The following CCDC15 variants were observed in gnomAD, a reference collection of about 807,000 sequenced individuals.
CCDC15 encodes coiled-coil domain containing 15.
In CCDC15, 105 loss-of-function variants were observed where a neutral mutation model predicts 114.5. The ratio of observed to expected loss-of-function variants is 0.92; its 90% CI spans 0.78 to 1.08. The LOEUF (loss-of-function observed/expected upper bound fraction) is 1.08. CCDC15 is among the 50% of genes least tolerant of loss of function. The probability of loss-of-function intolerance (pLI) is 0.00; values close to 1 mark genes in which losing one functional copy is unlikely to be tolerated. For missense variants in CCDC15, 1,105 were observed against 1,093.6 expected, an observed-to-expected ratio of 1.01 and a Z score of -0.15; for synonymous variants, 334 against 377.8, an observed-to-expected ratio of 0.88 and a Z score of 1.34.
At chr11:124,956,330 C>G (rs2135423713) in intron 2 of CCDC15, among the ~76,000 whole-genome samples, 1 of 151,982 alleles carries the variant, frequency 6.6e-6, no homozygotes, top group Middle Eastern at 3.4e-3. Flanking sequence ...TAGAGAAGAA[C>G]AGCCTTGAAA....
At chr11:124,985,023 C>T (rs1359905111) in intron 6 of CCDC15, among the ~76,000 whole-genome samples, 3 of 152,206 alleles carry the variant, frequency 2.0e-5, no homozygotes, top group African/African-American at 7.2e-5. Flanking sequence ...CCCTTAACCT[C>T]AATCCTAGGC....
In CCDC15 at chr11:124,977,531, A is replaced by C. The variant is rs370851788; in HGVS notation, c.684A>C (p.Gly228=). ...CTGGGATAAATACAGGAATAAGAGG[A>C]GAGTTGCCCATTAAGGTCCATCAAG... is the stretch of plus-strand genomic sequence containing the variant. ...ASTGINTGIR[G]ELPIKVHQGL... is the part of the protein sequence containing the mutation. The change falls in exon 6 of 16, where the codon GGA becomes GGC. Residue 228 remains glycine, a synonymous_variant. Coordinates refer to ENST00000344762, the MANE Select transcript of CCDC15 (RefSeq NM_025004.3). 48 of 1,607,660 alleles carry C rather than the reference A, an allele frequency of 3.0e-5. No individual in the cohort carries two copies. The highest frequency in any genetic ancestry group is 3.9e-5 in the Non-Finnish European group (46 of 1,176,858).
At chr11:124,962,964 A>G (rs1398543166) in intron 4 of CCDC15, among the ~76,000 whole-genome samples, 2 of 152,260 alleles carry the variant, frequency 1.3e-5, no homozygotes, top group African/African-American at 2.4e-5. Flanking sequence ...CCATGTCCCT[A>G]CAAAGGACAT....
intron 13 of CCDC15, among the ~76,000 whole-genome samples, chr11:125,036,953 G>A (rs1948779641): frequency 6.6e-6 from 1 of 152,134 alleles, no homozygotes; most frequent in African/African-American, 2.4e-5. Flanking sequence ...ACACATCTGT[G>A]TCTCTCTGGG....
At chr11:125,019,644 A>G (rs113786620) in intron 13 of CCDC15, among the ~76,000 whole-genome samples, 5 of 152,060 alleles carry the variant, frequency 3.3e-5, no homozygotes, top group African/African-American at 1.2e-4. Context: ...ATTTTGTTAG[A>G]GAAGAATTCA....
intron 13 of CCDC15, among the ~76,000 whole-genome samples, chr11:125,005,524 A>G (rs1948545401): frequency 6.6e-6 from 1 of 152,126 alleles, no homozygotes; most frequent in South Asian, 2.1e-4. Context: ...ATAGTGGTAC[A>G]ATGTATTAGA....
At chr11:125,030,140 T>C (rs1948728178) in intron 13 of CCDC15, among the ~76,000 whole-genome samples, 1 of 152,148 alleles carries the variant, frequency 6.6e-6, no homozygotes, top group Admixed American at 6.6e-5. Flanking sequence ...TGGATCACTA[T>C]GGGTGATGGT....
chr11:125,001,553 T>C (rs1948482915), intron 11 of CCDC15, among the ~76,000 whole-genome samples: 1 of 152,192 alleles, frequency 6.6e-6, no homozygotes, highest in Non-Finnish European at 1.5e-5. Context: ...CCACGCCACT[T>C]TTCCCTTTAG....
chr11:124,957,525 A>G (rs1323546232), intron 2 of CCDC15, among the ~76,000 whole-genome samples: 2 of 152,156 alleles, frequency 1.3e-5, no homozygotes, highest in African/African-American at 4.8e-5. Flanking sequence ...CAGAGGTGGA[A>G]GTTTCTTTAT....
chr11:124,954,398 T>G, intron 1 of CCDC15, 28 bp downstream of exon 1: 1 of 198,432 alleles, frequency 5.0e-6, no homozygotes. Context: ...TTTCTCCGGG[T>G]TGCAGCTGTC....
chr11:124,960,571 GT>G (rs897366097), intron 4 of CCDC15, among the ~76,000 whole-genome samples: 7 of 152,022 alleles, frequency 4.6e-5, no homozygotes, highest in African/African-American at 1.7e-4. Flanking sequence ...TCTTATTTTT[GT>G]TTTTTAATCT....
In CCDC15 at chr11:124,976,602, A is replaced by T. The variant is rs535966291; in HGVS notation, c.631-876A>T. Among the ~76,000 whole-genome samples, 15 of 152,052 alleles carry T rather than the reference A, an allele frequency of 9.9e-5. No individual in the cohort carries two copies. In the South Asian group the frequency reaches 3.1e-3, roughly 31 times the overall value. ...CTCCAGGGTACTGTTAGATGAGGTG[A>T]TTAGACACTTTCTACTAAATCAGAA... On this transcript the variant is annotated intron_variant, in intron 5 of 15. Transcript: ENST00000344762.
intron 2 of CCDC15, among the ~76,000 whole-genome samples, chr11:124,955,126 T>C (rs1006323235): frequency 6.6e-6 from 1 of 152,242 alleles, no homozygotes; most frequent in Non-Finnish European, 1.5e-5. Flanking sequence ...ACTCACCTAC[T>C]ATAATATATA....
intron 13 of CCDC15, among the ~76,000 whole-genome samples, chr11:125,024,142 A>C (rs1381213833): frequency 6.6e-6 from 1 of 151,996 alleles, no homozygotes; most frequent in Non-Finnish European, 1.5e-5. Flanking sequence ...TCATCTCTAT[A>C]TATGCATGTA....
intron 4 of CCDC15, among the ~76,000 whole-genome samples, chr11:124,969,143 G>A (rs964173940): frequency 5.9e-5 from 9 of 152,058 alleles, no homozygotes; most frequent in African/African-American, 2.2e-4. Context: ...TTCTGAAATA[G>A]GACCTCAAAA....
intron 4 of CCDC15, among the ~76,000 whole-genome samples, chr11:124,965,595 C>T (rs1311856972): frequency 6.6e-6 from 1 of 152,162 alleles, no homozygotes; most frequent in African/African-American, 2.4e-5. Context: ...AAAACCAGCT[C>T]CTGGATTCAT....
intron 3 of CCDC15, among the ~76,000 whole-genome samples, chr11:124,959,537 T>C (rs1288089528): frequency 6.6e-6 from 1 of 152,222 alleles, no homozygotes; most frequent in South Asian, 2.1e-4. Flanking sequence ...TTCTAGCTAT[T>C]GACTTTTGGC....
At chr11:124,988,657 A>G (rs925105316) in intron 8 of CCDC15, among the ~76,000 whole-genome samples, 7 of 152,246 alleles carry the variant, frequency 4.6e-5, no homozygotes, top group African/African-American at 1.7e-4. Context: ...TTCTTTCAGA[A>G]TTGGAATCAA....
chr11:124,960,945 G>T (rs1947648502), intron 4 of CCDC15, among the ~76,000 whole-genome samples: 1 of 152,072 alleles, frequency 6.6e-6, no homozygotes, highest in Non-Finnish European at 1.5e-5. Context: ...TAACATACTT[G>T]GTCAAAATTT....
Sources: allele counts gnomAD v4.1 joint callset (sites outside exome capture counted in the v4.1 genomes callset), GRCh38; gene constraint gnomAD v4.1.1; transcripts MANE v1.5; gene names NCBI Gene and HGNC (gene_info 2026-07-23, HGNC 2026-07-21).